Variants in SMC2 observed in about 807,000 individuals in gnomAD.
SMC2 encodes the protein structural maintenance of chromosomes protein 2.
In SMC2, 41 loss-of-function variants were observed where a neutral mutation model predicts 142.6. The ratio of observed to expected loss-of-function variants is 0.29; its 90% CI spans 0.22 to 0.37. The LOEUF is 0.37. SMC2 is among the 10% of genes least tolerant of loss of function. SMC2 has a pLI of 1.00. For synonymous variants in SMC2, 463 were observed against 457.5 expected (o/e 1.01, Z -0.15); for missense variants, 1,265 against 1,373.7 (o/e 0.92, Z 1.25).
chr9:104,136,175 T>C (rs925980114), intron 23 of SMC2: 2 of 301,846 alleles, frequency 6.6e-6, no homozygotes, highest in Admixed American at 4.4e-5. Context: ...TTGGTTTTTT[T>C]CTCCTGCATG....
intron 9 of SMC2, among the ~76,000 whole-genome samples, chr9:104,104,092 T>A (rs1393238428): frequency 1.3e-5 from 2 of 152,172 alleles, no homozygotes; most frequent in African/African-American, 2.4e-5. Context: ...TAGTATGCCC[T>A]AAGGCTAGCA....
At chr9:104,129,084 G>C (rs984017060) in intron 20 of SMC2, among the ~76,000 whole-genome samples, 1 of 152,126 alleles carries the variant, frequency 6.6e-6, no homozygotes, top group African/African-American at 2.4e-5. Flanking sequence ...AAATTTCTCT[G>C]TGAGTTGGCT....
intron 20 of SMC2, among the ~76,000 whole-genome samples, chr9:104,128,920 T>C (rs1834613441): frequency 6.6e-6 from 1 of 152,238 alleles, no homozygotes; most frequent in Non-Finnish European, 1.5e-5. Flanking sequence ...TAGGCTTCCA[T>C]GATTTTTACC....
chr9:104,107,260 C>T (rs547985712), intron 9 of SMC2, among the ~76,000 whole-genome samples: 2 of 152,290 alleles, frequency 1.3e-5, no homozygotes, highest in South Asian at 2.1e-4. Flanking sequence ...TTAAGACACA[C>T]GGTCTCTACC....
At chr9:104,118,490 A>C (rs2131435463) in intron 15 of SMC2, 115 bp downstream of exon 15, 487 of 858,858 alleles carry the variant, frequency 5.7e-4, no homozygotes, top group Non-Finnish European at 7.1e-4. Context: ...TTAACTTCTC[A>C]TTTGTGTGTT....
Position 104,138,045 on chromosome 9 carries a change from G to T in SMC2, c.3297G>T (p.Leu1099=). ...CTTTAGTGGCCTTGTCATTAATACT[G>T]TCCATGCTTCTCTTCAAACCTGCTC... The part of the protein sequence containing the change: ...QRSLVALSLI[L]SMLLFKPAPI... The change falls in exon 24 of 25, where the codon CTG becomes CTT. Residue 1099 remains leucine, a synonymous_variant. Transcript: ENST00000374793. 1 of 1,607,276 alleles carries T rather than the reference G, an allele frequency of 6.2e-7. No homozygotes were observed. The highest frequency in any genetic ancestry group is 8.5e-7 in the Non-Finnish European group (1 of 1,175,834).
At chr9:104,110,393 G>A (rs1396812981) in intron 9 of SMC2, among the ~76,000 whole-genome samples, 1 of 152,004 alleles carries the variant, frequency 6.6e-6, no homozygotes, top group Non-Finnish European at 1.5e-5. Context: ...TTTCTCTTAT[G>A]CTTTTAATAT....
chr9:104,107,323 G>T (rs536732966), intron 9 of SMC2, among the ~76,000 whole-genome samples: 1 of 152,248 alleles, frequency 6.6e-6, no homozygotes, highest in South Asian at 2.1e-4. Context: ...TCAGGTGGCT[G>T]CCTCAAGCAA....
chr9:104,128,439 A>C (rs1380259388), intron 20 of SMC2, among the ~76,000 whole-genome samples: 1 of 152,148 alleles, frequency 6.6e-6, no homozygotes, highest in Non-Finnish European at 1.5e-5. Context: ...TTTTATTTAC[A>C]AGAGTAAAAG....
chr9:104,124,370 A>G (rs1564104484), intron 17 of SMC2, among the ~76,000 whole-genome samples: 1 of 152,122 alleles, frequency 6.6e-6, no homozygotes, highest in Non-Finnish European at 1.5e-5. Flanking sequence ...CACAGGCATG[A>G]ACTACCACGC....
chr9:104,127,306 A>G lies in SMC2; in HGVS notation c.2616A>G (p.Gln872=), dbSNP rs1335385327. Residue 872 remains glutamine (Q), a synonymous_variant, in exon 20 of 25, where the codon CAA becomes CAG. Transcript: ENST00000374793. ...AKNKESVNKA[Q]EEVTKQKEVI... The stretch of plus-strand genomic sequence containing the variant: ...TTTAGGAGTCAGTAAATAAAGCTCA[A>G]GAAGAGGTGACCAAGCAAAAAGAGG... 1.3e-6 allele frequency: 2 copies of G among 1,592,772 alleles called. No individual in the cohort carries two copies. Among genetic ancestry groups the G allele is most frequent in the Middle Eastern group, 1.7e-4 (1 of 5,978 alleles).
At chr9:104,116,600 A>ATGGT (rs1833148168) in intron 14 of SMC2, among the ~76,000 whole-genome samples, 1 of 152,156 alleles carries the variant, frequency 6.6e-6, no homozygotes, top group Non-Finnish European at 1.5e-5. Flanking sequence ...TGATTCCTGA[A>ATGGT]TGGTTAGAAC....
intron 3 of SMC2, among the ~76,000 whole-genome samples, chr9:104,097,252 A>C (rs1189752091): frequency 6.8e-6 from 1 of 147,880 alleles, no homozygotes; most frequent in African/African-American, 2.5e-5. Flanking sequence ...GCCCACCACC[A>C]CACCCGGCTA....
intron 16 of SMC2, among the ~76,000 whole-genome samples, chr9:104,121,897 G>A (rs936734044): frequency 2.6e-5 from 4 of 152,142 alleles, no homozygotes; most frequent in African/African-American, 9.7e-5. Context: ...TGGGATTACA[G>A]GCACTTGCCA....
chr9:104,097,305 G>A (rs563121517), intron 3 of SMC2, among the ~76,000 whole-genome samples: 10 of 150,512 alleles, frequency 6.6e-5, no homozygotes, highest in African/African-American at 1.7e-4. Flanking sequence ...ACGGGATTTC[G>A]CTATGTTGGC....
intron 24 of SMC2, 88 bp downstream of exon 24, chr9:104,138,253 G>T (rs1835764058): frequency 2.8e-6 from 3 of 1,071,690 alleles, no homozygotes; most frequent in Admixed American, 2.4e-5. Context: ...ATGTTAATAA[G>T]ATATTTAGGG....
At chr9:104,101,326 A>G (rs1459751374) in intron 7 of SMC2, among the ~76,000 whole-genome samples, 1 of 152,202 alleles carries the variant, frequency 6.6e-6, no homozygotes, top group Non-Finnish European at 1.5e-5. Flanking sequence ...GAATCCATAT[A>G]GTAGTATAAA....
rs541300091 is a variant in SMC2 at position 104,130,189 on chromosome 9, CTATA to C, written c.2991+347_2991+350del. On this transcript the variant is annotated intron_variant, in intron 21 of 24. Coordinates refer to ENST00000374793, the MANE Select transcript of SMC2 (RefSeq NM_006444.3). ...CTCTTGACTCTACTGTATACTGAAA[CTATA>C]TAAGTAATGACTAAAGCCATTATAC... is the stretch of plus-strand genomic sequence containing the variant. Among the ~76,000 whole-genome samples the C allele has an allele frequency of 1.1e-4, 17 of 152,300 alleles. No individual in the cohort carries two copies. The East Asian group carries it at 2.1e-3, about 19-fold the overall frequency.
rs112871469 is a variant in SMC2 at position 104,125,545 on chromosome 9, A to AAGGGCAAAGTTG, written c.2451+442_2451+453dup. Among the ~76,000 whole-genome samples the AAGGGCAAAGTTG allele has an allele frequency of 8.1e-3, 1,237 of 152,276 alleles. 20 individuals carry two copies. The highest frequency in any genetic ancestry group is 0.028 in the African/African-American group (1,181 of 41,558). On this transcript the variant is annotated intron_variant, in intron 18 of 24. Coordinates refer to ENST00000374793, the MANE Select transcript of SMC2 (RefSeq NM_006444.3). ...GAGTAGGGGATGCTAATTTTAAGGA[A>AAGGGCAAAGTTG]AGGGCAAAGTTGACGGTTGGTAAAT...
Sources: gnomAD v4.1 joint callset for allele counts (sites outside exome capture counted in the v4.1 genomes callset) on GRCh38, gnomAD v4.1.1 for gene constraint, MANE v1.5 for transcripts, NCBI Gene and HGNC (gene_info 2026-07-23, HGNC 2026-07-21) for gene names.